The following ZNF185 variants were observed in gnomAD, a reference collection of about 807,000 sequenced individuals.
ZNF185 encodes zinc finger protein 185.
ZNF185 carries 56 observed loss-of-function variants against 58.6 expected under a neutral mutation model. The observed-to-expected ratio is 0.95, with a 90% CI of 0.77 to 1.19. The LOEUF (loss-of-function observed/expected upper bound fraction) is 1.19. Among genes scored for constraint, ZNF185 ranks in the 50% most tolerant of loss-of-function variants. ZNF185 has a pLI of 0.00. For missense variants in ZNF185, 627 were observed against 573.5 expected, an observed-to-expected ratio of 1.09 and a Z score of -0.95; for synonymous variants, 230 against 215.9, an observed-to-expected ratio of 1.07 and a Z score of -0.57.
chrX:152,946,843 TGGGCAGGCACCTGCTCCTAGGCTGAGGA>T lies in ZNF185; in HGVS notation c.1409+1381_1409+1408del, dbSNP rs782565566. 3.1e-3 allele frequency among the ~76,000 whole-genome samples: 343 copies of T among 111,673 alleles called. 3 individuals carry two copies. The highest frequency in any genetic ancestry group is 0.02 in the Admixed American group (217 of 10,615). The stretch of plus-strand genomic sequence containing the variant: ...TTGGCAGGAAGCACCAAGTAGGGGC[TGGGCAGGCACCTGCTCCTAGGCTGAGGA>T]GTGTGACCCACATCCTGAGGGCCTT... On this transcript the variant is annotated intron_variant, in intron 16 of 22. Transcript: ENST00000449285.
chrX:152,944,891 G>A (rs1406047229), intron 15 of ZNF185, among the ~76,000 whole-genome samples: 1 of 112,596 alleles, frequency 8.9e-6, no homozygotes, highest in East Asian at 2.8e-4. Flanking sequence ...CTACTCAGAA[G>A]GCTGAGACAG....
At chrX:152,968,416 T>A (rs1275713756) in intron 20 of ZNF185, among the ~76,000 whole-genome samples, 1 of 112,759 alleles carries the variant, frequency 8.9e-6, no homozygotes, top group Admixed American at 9.3e-5. Flanking sequence ...GGAAGGGGAC[T>A]CTCTAGGGAC....
chrX:152,956,619 A>ATT, intron 16 of ZNF185, among the ~76,000 whole-genome samples: 1 of 111,610 alleles, frequency 9.0e-6, no homozygotes, highest in East Asian at 2.8e-4. Context: ...TGCACCTGTA[A>ATT]TCCCAGCTAC....
At chrX:152,925,797 G>GT (rs1324786460) in intron 11 of ZNF185, among the ~76,000 whole-genome samples, 13 of 112,259 alleles carry the variant, frequency 1.2e-4, no homozygotes, top group African/African-American at 3.6e-4. Context: ...GAAAAGGCTG[G>GT]TTTGTGGCAG....
At chrX:152,911,688 A>G (rs1294726228), upstream of ZNF185, among the ~76,000 whole-genome samples, 1 of 34,328 alleles carries the variant, frequency 2.9e-5, no homozygotes, top group Non-Finnish European at 5.2e-5. Context: ...ACCCCACTAC[A>G]TCTCATCCCA....
At chrX:152,961,062 G>A (rs1315999869) in intron 17 of ZNF185, among the ~76,000 whole-genome samples, 1 of 111,920 alleles carries the variant, frequency 8.9e-6, no homozygotes, top group Non-Finnish European at 1.9e-5. Flanking sequence ...ATTTTGTGGC[G>A]ATCGTCCTGT....
At chrX:152,931,648 A>G (rs782530237) in intron 12 of ZNF185, 24 bp from the exon 14 acceptor site, 1 of 1,176,315 alleles carries the variant, frequency 8.5e-7, no homozygotes, top group South Asian at 1.9e-5. Flanking sequence ...CTGCATGGTT[A>G]ACTTCCATTT....
rs1556897548 is a variant in ZNF185 at position 152,948,900 on chromosome X, G to A, written c.1409+3436G>A. Reference sequence around the variant, plus strand: ...GCAATGGGATCTCCAGTGGCAGTGAGAAGAGTGACTGAAGTGGGCAGAGTG... The same window carrying A: ...GCAATGGGATCTCCAGTGGCAGTGAAAAGAGTGACTGAAGTGGGCAGAGTG... On this transcript the variant is annotated intron_variant, in intron 16 of 22. Transcript: ENST00000449285. Among the ~76,000 whole-genome samples, 3 of 112,072 alleles carry A rather than the reference G, an allele frequency of 2.7e-5. No individual in the cohort carries two copies. In the South Asian group the frequency reaches 1.1e-3, roughly 42 times the overall value.
intron 12 of ZNF185, among the ~76,000 whole-genome samples, chrX:152,929,219 G>A (rs1046276878): frequency 9.0e-6 from 1 of 110,854 alleles, no homozygotes; most frequent in Admixed American, 9.6e-5. Context: ...CTGTGCTGGG[G>A]AGGGGTGGGT....
At chrX:152,931,863 C>A in intron 13 of ZNF185, 87 bp downstream of exon 14, 1 of 798,226 alleles carries the variant, frequency 1.3e-6, no homozygotes, top group Admixed American at 3.3e-5. Context: ...GCCTCCGGTG[C>A]AATGTCAATG....
chrX:152,898,561 A>T, the ZNF185 span, among the ~76,000 whole-genome samples: 1 of 112,357 alleles, frequency 8.9e-6, no homozygotes, highest in Non-Finnish European at 1.9e-5. Flanking sequence ...ATGCTCTGAG[A>T]GTTGACTGCA....
intron 18 of ZNF185, among the ~76,000 whole-genome samples, chrX:152,964,467 A>G (rs1191420152): frequency 5.3e-5 from 6 of 112,413 alleles, no homozygotes; most frequent in African/African-American, 1.9e-4. Flanking sequence ...ACATGGCACG[A>G]GCAGGAACAA....
chrX:152,959,210 C>G (rs1467153041), intron 16 of ZNF185, among the ~76,000 whole-genome samples: 1 of 112,023 alleles, frequency 8.9e-6, no homozygotes, highest in Non-Finnish European at 1.9e-5. Context: ...GCGCACTCCC[C>G]TACCCTTGCC....
chrX:152,935,350 C>G (rs1556880732), intron 14 of ZNF185, among the ~76,000 whole-genome samples: 1 of 107,643 alleles, frequency 9.3e-6, no homozygotes, highest in Non-Finnish European at 1.9e-5. Flanking sequence ...ATTGTCCTGC[C>G]TCAGCCTCCC....
At chrX:152,941,551 G>C (rs2047183613) in intron 15 of ZNF185, 4 of 937,111 alleles carry the variant, frequency 4.3e-6, no homozygotes, top group Non-Finnish European at 5.7e-6. Flanking sequence ...GCGCCTGCGC[G>C]AATGCGCGCT....
At chrX:152,922,028 A>G in intron 9 of ZNF185, 145 bp from the exon 11 acceptor site, 1 of 538,674 alleles carries the variant, frequency 1.9e-6, no homozygotes, top group Non-Finnish European at 3.1e-6. Context: ...AGCTGGAGTC[A>G]CTGAACCCCC....
intron 14 of ZNF185, among the ~76,000 whole-genome samples, chrX:152,937,575 T>C (rs1160356043): frequency 8.9e-6 from 1 of 112,097 alleles, no homozygotes; most frequent in African/African-American, 3.3e-5. Flanking sequence ...TATGTTGAGC[T>C]GAGCCAAGCC....
At chrX:152,911,773 T>TCC (rs1937367679), upstream of ZNF185, among the ~76,000 whole-genome samples, 1 of 35,696 alleles carries the variant, frequency 2.8e-5, no homozygotes. Flanking sequence ...CCCATCCATC[T>TCC]CATCCCATCC....
intron 15 of ZNF185, among the ~76,000 whole-genome samples, chrX:152,941,430 G>C (rs1328183094): frequency 2.7e-5 from 3 of 112,911 alleles, no homozygotes; most frequent in Non-Finnish European, 3.8e-5. Flanking sequence ...CCTTGCTGTA[G>C]AGCCTTGACG....
Sources: gnomAD v4.1 joint callset for allele counts (sites outside exome capture counted in the v4.1 genomes callset) on GRCh38, gnomAD v4.1.1 for gene constraint, MANE v1.5 for transcripts, NCBI Gene and HGNC (gene_info 2026-07-23, HGNC 2026-07-21) for gene names.